CLVS1: variants seen among roughly 807,000 people sequenced by gnomAD.
CLVS1 encodes clavesin-1.
A neutral mutation model predicts 33.1 loss-of-function variants in CLVS1; 10 were observed. The ratio of observed to expected loss-of-function variants is 0.30; its 90% CI spans 0.19 to 0.51. The LOEUF (loss-of-function observed/expected upper bound fraction) is 0.51, where lower values mean the gene tolerates loss of function less well. CLVS1 is among the 20% of genes least tolerant of loss of function. CLVS1 has a pLI of 0.97. For synonymous variants in CLVS1, 163 were observed against 166.1 expected (o/e 0.98, Z 0.14); for missense variants, 343 against 433.4 (o/e 0.79, Z 1.85).
chr8:61,225,712 T>C (rs549054710), intron 2 of CLVS1, among the ~76,000 whole-genome samples: 1 of 152,360 alleles, frequency 6.6e-6, no homozygotes, highest in African/African-American at 2.4e-5. Context: ...GGAAAGAAAA[T>C]GCATTCTATA....
chr8:61,012,738 C>T, the CLVS1 span, among the ~76,000 whole-genome samples: 1 of 152,196 alleles, frequency 6.6e-6, no homozygotes, highest in East Asian at 1.9e-4. Flanking sequence ...TGCCAGCTCC[C>T]ACTGCCTCCA....
At chr8:61,097,773 G>T (rs1167239881) in intron 1 of CLVS1, among the ~76,000 whole-genome samples, 1 of 152,118 alleles carries the variant, frequency 6.6e-6, no homozygotes, top group Non-Finnish European at 1.5e-5. Context: ...TAACGACTAT[G>T]CTTTACCACC....
intron 2 of CLVS1, among the ~76,000 whole-genome samples, chr8:61,276,683 G>T (rs1809567032): frequency 6.6e-6 from 1 of 152,122 alleles, no homozygotes; most frequent in Non-Finnish European, 1.5e-5. Flanking sequence ...ACTTAACACA[G>T]TAAGTATTCT....
chr8:61,331,846 C>T (rs951770674), intron 2 of CLVS1, among the ~76,000 whole-genome samples: 4 of 150,382 alleles, frequency 2.7e-5, no homozygotes, highest in Non-Finnish European at 4.4e-5. Context: ...TCCTCCTCCT[C>T]CTCCTTCTTC....
intron 1 of CLVS1, among the ~76,000 whole-genome samples, chr8:61,113,232 G>C (rs536247197): frequency 6.6e-6 from 1 of 152,296 alleles, no homozygotes; most frequent in African/African-American, 2.4e-5. Flanking sequence ...GAGTTGTGGG[G>C]TGATGCAGGG....
At chr8:61,045,314 A>G in the CLVS1 span, among the ~76,000 whole-genome samples, 18 of 152,186 alleles carry the variant, frequency 1.2e-4, no homozygotes, top group South Asian at 2.1e-4. Flanking sequence ...TTTCCTGCCC[A>G]CAAGACCTTG....
At chr8:61,042,876 A>T in the CLVS1 span, among the ~76,000 whole-genome samples, 1 of 152,246 alleles carries the variant, frequency 6.6e-6, no homozygotes, top group Admixed American at 6.5e-5. Flanking sequence ...GTCAAGTCCC[A>T]GTAAGGAAGG....
chr8:61,268,183 C>A (rs2129592551), intron 2 of CLVS1, among the ~76,000 whole-genome samples: 1 of 121,096 alleles, frequency 8.3e-6, no homozygotes, highest in South Asian at 2.7e-4. Context: ...CACCCCACAA[C>A]AGTCCCCGGA....
At chr8:61,036,380 C>T in the CLVS1 span, among the ~76,000 whole-genome samples, 1 of 152,188 alleles carries the variant, frequency 6.6e-6, no homozygotes, top group Non-Finnish European at 1.5e-5. Flanking sequence ...GGCTCTGTGG[C>T]AGCTGCAGGT....
intron 1 of CLVS1, among the ~76,000 whole-genome samples, chr8:61,085,196 G>A (rs1805095815): frequency 6.6e-6 from 1 of 152,162 alleles, no homozygotes; most frequent in African/African-American, 2.4e-5. Flanking sequence ...TAATGTCACT[G>A]TTTTATTTCT....
intron 1 of CLVS1, among the ~76,000 whole-genome samples, chr8:61,085,177 AG>A (rs2129283178): frequency 6.6e-6 from 1 of 152,336 alleles, no homozygotes; most frequent in African/African-American, 2.4e-5. Flanking sequence ...TGATTCTAAG[AG>A]GGTTGAATAA....
At chr8:61,244,196 A>C (rs1312135227) in intron 2 of CLVS1, among the ~76,000 whole-genome samples, 2 of 151,694 alleles carry the variant, frequency 1.3e-5, no homozygotes, top group African/African-American at 4.8e-5. Flanking sequence ...TTTTTTTTTA[A>C]TCCTTTAGTT....
intron 3 of CLVS1, among the ~76,000 whole-genome samples, chr8:61,381,764 G>C (rs1438967650): frequency 6.6e-6 from 1 of 152,116 alleles, no homozygotes; most frequent in African/African-American, 2.4e-5. Context: ...GCAAAGGACA[G>C]GATTTCATTC....
At chr8:61,099,543 T>C (rs1805410918) in intron 1 of CLVS1, among the ~76,000 whole-genome samples, 1 of 152,156 alleles carries the variant, frequency 6.6e-6, no homozygotes, top group Non-Finnish European at 1.5e-5. Flanking sequence ...TATACAGTCA[T>C]GAGTGATTGT....
At chr8:61,269,229 C>T (rs28844701) in intron 2 of CLVS1, among the ~76,000 whole-genome samples, 113,817 of 151,266 alleles carry the variant, frequency 0.75, 44,348 homozygotes, top group East Asian at 0.97. Context: ...TTCAGCTTTC[C>T]ACATATGGCT....
intron 3 of CLVS1, among the ~76,000 whole-genome samples, chr8:61,441,094 A>G (rs1274554530): frequency 1.3e-5 from 2 of 152,176 alleles, no homozygotes; most frequent in African/African-American, 4.8e-5. Context: ...TATTCTTAGA[A>G]GACTCTTTTG....
chr8:61,221,873 G>T (rs978576953), intron 2 of CLVS1, among the ~76,000 whole-genome samples: 1 of 152,100 alleles, frequency 6.6e-6, no homozygotes, highest in African/African-American at 2.4e-5. Flanking sequence ...CTTGTTATTG[G>T]TCTATTCAGA....
At chr8:61,010,515 G>A in the CLVS1 span, among the ~76,000 whole-genome samples, 1 of 152,164 alleles carries the variant, frequency 6.6e-6, no homozygotes, top group Non-Finnish European at 1.5e-5. Flanking sequence ...TGCCAAGTTT[G>A]GCAAACCTAG....
chr8:61,211,958 G>C (rs1034073356), intron 2 of CLVS1, among the ~76,000 whole-genome samples: 4 of 152,212 alleles, frequency 2.6e-5, no homozygotes, highest in African/African-American at 9.7e-5. Flanking sequence ...GTGGCCTCTG[G>C]AAGCTGGAAA....
Sources: allele counts gnomAD v4.1 joint callset (sites outside exome capture counted in the v4.1 genomes callset), GRCh38; gene constraint gnomAD v4.1.1; transcripts MANE v1.5; gene names NCBI Gene and HGNC (gene_info 2026-07-23, HGNC 2026-07-21).